The following ARHGAP6 variants were observed in gnomAD, a reference collection of about 807,000 sequenced individuals.
ARHGAP6 encodes rho GTPase-activating protein 6.
A neutral mutation model predicts 55.7 loss-of-function variants in ARHGAP6; 16 were observed. That is an observed-to-expected ratio of 0.29 (90% CI 0.19 to 0.44). The LOEUF (loss-of-function observed/expected upper bound fraction) is 0.44. ARHGAP6 is among the 20% of genes least tolerant of loss of function. ARHGAP6 has a pLI of 1.00. For missense variants in ARHGAP6, 698 were observed against 808.9 expected, an observed-to-expected ratio of 0.86 and a Z score of 1.66; for synonymous variants, 382 against 360.9, an observed-to-expected ratio of 1.06 and a Z score of -0.66.
chrX:11,330,029 A>G (rs972157426), intron 1 of ARHGAP6, among the ~76,000 whole-genome samples: 8 of 113,148 alleles, frequency 7.1e-5, no homozygotes, highest in Non-Finnish European at 1.3e-4. Context: ...GATTCCAGCC[A>G]CCATTTTACA....
At position 11,139,023 on chromosome X, in the gene ARHGAP6, G is replaced by T; in HGVS notation, c.2765C>A (p.Thr922Lys). 1 of 1,208,186 alleles carries T rather than the reference G, an allele frequency of 8.3e-7. No individual in the cohort carries two copies. Among genetic ancestry groups the T allele is most frequent in the Non-Finnish European group, 1.1e-6 (1 of 894,318 alleles). Residue 922 changes from threonine (T) to lysine (K), a missense_variant, in exon 13 of 13, where the codon ACG becomes AAG. Coordinates refer to ENST00000337414, the MANE Select transcript of ARHGAP6 (RefSeq NM_013427.3). The stretch of plus-strand genomic sequence containing the variant: ...GTTGGCGCTGCTCAGTTTTTTCTGC[G>T]TGACCTGCTGCTCTCGCTCGGCTGC... ...GQAAEREQQV[T>K]QKKLSSANSL...
At chrX:11,527,430 G>A (rs939267283) in intron 1 of ARHGAP6, among the ~76,000 whole-genome samples, 2 of 111,239 alleles carry the variant, frequency 1.8e-5, no homozygotes, top group African/African-American at 6.5e-5. Flanking sequence ...TGGGCAACAT[G>A]GCGAAACCTT....
chrX:11,621,136 G>C, intron 1 of ARHGAP6, among the ~76,000 whole-genome samples: 1 of 111,643 alleles, frequency 9.0e-6, no homozygotes, highest in South Asian at 3.8e-4. Flanking sequence ...CATACAGAGA[G>C]AGAAAGTGGG....
At chrX:11,351,047 TACACAC>T (rs35026703) in intron 1 of ARHGAP6, among the ~76,000 whole-genome samples, 1,370 of 87,927 alleles carry the variant, frequency 0.016, 26 homozygotes, top group African/African-American at 0.054. Flanking sequence ...ATATTCAAAT[TACACAC>T]ACACACACAC....
At chrX:11,375,132 C>T (rs1394895854) in intron 1 of ARHGAP6, among the ~76,000 whole-genome samples, 2 of 112,052 alleles carry the variant, frequency 1.8e-5, no homozygotes, top group African/African-American at 3.2e-5. Context: ...AAAGCAGATA[C>T]AAAATTTTCT....
intron 1 of ARHGAP6, among the ~76,000 whole-genome samples, chrX:11,549,244 C>T (rs933397929): frequency 1.8e-5 from 2 of 111,645 alleles, no homozygotes; most frequent in African/African-American, 6.5e-5. Flanking sequence ...ATGGCTAAGA[C>T]ATCAAAAACA....
At chrX:11,528,150 G>A (rs1042895300) in intron 1 of ARHGAP6, among the ~76,000 whole-genome samples, 1 of 111,856 alleles carries the variant, frequency 8.9e-6, no homozygotes, top group African/African-American at 3.3e-5. Flanking sequence ...ATTCTTTTAT[G>A]AGCAATCGCT....
chrX:11,210,183 G>C (rs1291863642), intron 2 of ARHGAP6, among the ~76,000 whole-genome samples: 1 of 112,432 alleles, frequency 8.9e-6, no homozygotes, highest in Non-Finnish European at 1.9e-5. Context: ...ATAAACGGGT[G>C]GCTCTGTTCT....
chrX:11,564,038 CA>C (rs1021659850), intron 1 of ARHGAP6, among the ~76,000 whole-genome samples: 1 of 110,731 alleles, frequency 9.0e-6, no homozygotes, highest in African/African-American at 3.3e-5. Flanking sequence ...TCATTGTCAA[CA>C]AAAAAATTCA....
chrX:11,544,277 G>T (rs2051190550), intron 1 of ARHGAP6, among the ~76,000 whole-genome samples: 1 of 112,537 alleles, frequency 8.9e-6, no homozygotes, highest in African/African-American at 3.2e-5. Context: ...AACAGCAGAT[G>T]CCTAGTGGCC....
At chrX:11,645,310 GA>G (rs1037947068) in intron 1 of ARHGAP6, among the ~76,000 whole-genome samples, 4 of 110,262 alleles carry the variant, frequency 3.6e-5, no homozygotes, top group Non-Finnish European at 7.6e-5. Context: ...TACTCCAAAA[GA>G]AAAAAAATCA....
At chrX:11,583,115 C>A (rs187035263) in intron 1 of ARHGAP6, among the ~76,000 whole-genome samples, 4 of 112,074 alleles carry the variant, frequency 3.6e-5, no homozygotes, top group African/African-American at 1.3e-4. Flanking sequence ...TTTTCACAGC[C>A]AGTTAATGGC....
At chrX:11,517,575 GA>G (rs1390293207) in intron 1 of ARHGAP6, among the ~76,000 whole-genome samples, 1 of 111,274 alleles carries the variant, frequency 9.0e-6, no homozygotes, top group Admixed American at 9.6e-5. Flanking sequence ...TCTCTCTCCT[GA>G]ACTTTAATCC....
intron 2 of ARHGAP6, among the ~76,000 whole-genome samples, chrX:11,253,066 T>C (rs1444844135): frequency 9.0e-6 from 1 of 111,721 alleles, no homozygotes; most frequent in African/African-American, 3.3e-5. Context: ...TGTATGTGTG[T>C]ACAGCAAGGT....
At chrX:11,426,884 A>T (rs988378309) in intron 1 of ARHGAP6, among the ~76,000 whole-genome samples, 4 of 110,349 alleles carry the variant, frequency 3.6e-5, no homozygotes, top group Admixed American at 9.7e-5. Context: ...CACCTAGCGC[A>T]GTCCCTGGCA....
chrX:11,305,759 A>G (rs1263654344), intron 1 of ARHGAP6, among the ~76,000 whole-genome samples: 1 of 112,062 alleles, frequency 8.9e-6, no homozygotes, highest in Non-Finnish European at 1.9e-5. Context: ...GCAGTAATTT[A>G]AGATGCCTTA....
intron 1 of ARHGAP6, among the ~76,000 whole-genome samples, chrX:11,462,407 A>G (rs756766415): frequency 8.9e-6 from 1 of 112,230 alleles, no homozygotes; most frequent in African/African-American, 3.2e-5. Flanking sequence ...GATGTGGGAA[A>G]GCGACCTTTG....
In ARHGAP6 at chrX:11,162,342, C is replaced by CA. The variant is rs1391965677; in HGVS notation, c.1810-5717_1810-5716insT. On this transcript the variant is annotated intron_variant, in intron 9 of 12. Transcript: ENST00000337414. ...CAGCTACTGAAACTGTGCCCCCCCC[C>CA]CCATATTTACTGTGTCACATAATAA... Among the ~76,000 whole-genome samples, 6 of 97,511 alleles carry CA rather than the reference C, an allele frequency of 6.2e-5. No individual in the cohort carries two copies. In the East Asian group the frequency reaches 1.8e-3, roughly 30 times the overall value. 84.7% of individuals were successfully genotyped at this position (97,511 alleles called of 115,157 possible).
At chrX:11,256,930 T>C (rs1163924146) in intron 1 of ARHGAP6, among the ~76,000 whole-genome samples, 1 of 111,214 alleles carries the variant, frequency 9.0e-6, no homozygotes, top group African/African-American at 3.3e-5. Context: ...CTAGTCAAAG[T>C]GAGGAGGCTG....
Sources: allele counts gnomAD v4.1 joint callset (sites outside exome capture counted in the v4.1 genomes callset), GRCh38; gene constraint gnomAD v4.1.1; transcripts MANE v1.5; gene names NCBI Gene and HGNC (gene_info 2026-07-23, HGNC 2026-07-21).